CNTNAP5: variants seen among roughly 807,000 people sequenced by gnomAD.
The protein encoded by CNTNAP5 is contactin associated protein family member 5.
Under a neutral mutation model 150.2 loss-of-function variants are expected in CNTNAP5, and 72 were observed. The observed-to-expected ratio is 0.48, with a 90% CI of 0.40 to 0.58. CNTNAP5 has a LOEUF of 0.58. Among genes scored for constraint, CNTNAP5 ranks in the 20% least tolerant of loss-of-function variants. The pLI is 0.00. For synonymous variants in CNTNAP5, 672 were observed against 619.8 expected, an observed-to-expected ratio of 1.08 and a Z score of -1.25; for missense variants, 1,636 against 1,626.2, an observed-to-expected ratio of 1.01 and a Z score of -0.10.
At chr2:124,510,303 A>ATC (rs1475067600) in intron 8 of CNTNAP5, among the ~76,000 whole-genome samples, 1 of 127,238 alleles carries the variant, frequency 7.9e-6, no homozygotes, top group African/African-American at 3.0e-5. Context: ...CTATATATCT[A>ATC]TATATATATC....
intron 3 of CNTNAP5, among the ~76,000 whole-genome samples, chr2:124,360,448 G>A (rs1033848687): frequency 7.6e-5 from 11 of 145,674 alleles, no homozygotes; most frequent in Non-Finnish European, 1.4e-4. Flanking sequence ...GGCTGGTACC[G>A]GTTGTTCCTT....
At chr2:124,657,975 C>T (rs74599561) in intron 13 of CNTNAP5, among the ~76,000 whole-genome samples, 1,866 of 152,322 alleles carry the variant, frequency 0.012, 30 homozygotes, top group African/African-American at 0.04. Flanking sequence ...TCACTATCTG[C>T]CTCTGTCAAT....
intron 19 of CNTNAP5, among the ~76,000 whole-genome samples, chr2:124,845,938 CT>C (rs566594290): frequency 7.8e-4 from 115 of 147,032 alleles, no homozygotes; most frequent in African/African-American, 2.4e-3. Context: ...AAAGAACCAG[CT>C]TTTTTTTTTC....
intron 1 of CNTNAP5, among the ~76,000 whole-genome samples, chr2:124,055,448 T>C (rs992020199): frequency 3.9e-5 from 6 of 152,122 alleles, no homozygotes; most frequent in Admixed American, 3.9e-4. Flanking sequence ...ATAGCTTTCT[T>C]CCCCTTCTCT....
At chr2:124,900,616 T>A (rs1678396709) in intron 21 of CNTNAP5, among the ~76,000 whole-genome samples, 1 of 151,572 alleles carries the variant, frequency 6.6e-6, no homozygotes, top group Non-Finnish European at 1.5e-5. Flanking sequence ...TATTCTTACA[T>A]CTGGAGTATG....
chr2:124,328,655 C>T (rs115869528), intron 3 of CNTNAP5, among the ~76,000 whole-genome samples: 102 of 152,220 alleles, frequency 6.7e-4, no homozygotes, highest in African/African-American at 2.3e-3. Context: ...GTGAAGTATG[C>T]GATGTCTCTG....
intron 3 of CNTNAP5, among the ~76,000 whole-genome samples, chr2:124,386,498 C>T (rs1390859340): frequency 6.6e-6 from 1 of 152,240 alleles, no homozygotes. Flanking sequence ...AGTTGAACGG[C>T]ATTTCTGCCA....
intron 20 of CNTNAP5, among the ~76,000 whole-genome samples, chr2:124,868,524 G>T (rs1677677929): frequency 1.3e-5 from 2 of 152,124 alleles, no homozygotes; most frequent in Admixed American, 1.3e-4. Context: ...TCTCTGATCA[G>T]CTTATTTAAT....
intron 12 of CNTNAP5, among the ~76,000 whole-genome samples, chr2:124,623,398 G>A (rs1017872371): frequency 6.6e-6 from 1 of 152,130 alleles, no homozygotes; most frequent in African/African-American, 2.4e-5. Context: ...GAAGGGCATG[G>A]TTGTGAATCT....
intron 1 of CNTNAP5, among the ~76,000 whole-genome samples, chr2:124,080,227 A>G (rs978104357): frequency 1.1e-4 from 17 of 152,220 alleles, no homozygotes; most frequent in Admixed American, 7.9e-4. Context: ...CTATAAACAC[A>G]GTATCTATCA....
rs142184552 is a variant in CNTNAP5 at position 124,249,064 on chromosome 2, A to C, written c.381+6671A>C. On this transcript the variant is annotated intron_variant, in intron 3 of 23. Transcript: ENST00000682447. Reference sequence around the variant, plus strand: ...TTAATCTAAAGTGAATGTCTCCAAAACCTAAGCTCTGATTTTTTATCTTGC... The same window carrying C: ...TTAATCTAAAGTGAATGTCTCCAAACCCTAAGCTCTGATTTTTTATCTTGC... Among the ~76,000 whole-genome samples the C allele has an allele frequency of 2.8e-3, 433 of 152,066 alleles. 2 individuals are homozygous for C. The highest frequency in any genetic ancestry group is 9.0e-3 in the African/African-American group (375 of 41,492).
chr2:124,504,888 A>G (rs959943246), intron 8 of CNTNAP5, among the ~76,000 whole-genome samples: 3 of 151,664 alleles, frequency 2.0e-5, no homozygotes, highest in African/African-American at 4.8e-5. Flanking sequence ...TTTTATTTTT[A>G]GTAGAGATGG....
chr2:124,094,318 A>G (rs1682882811), intron 1 of CNTNAP5, among the ~76,000 whole-genome samples: 1 of 152,164 alleles, frequency 6.6e-6, no homozygotes, highest in Non-Finnish European at 1.5e-5. Context: ...CCAAAATTAT[A>G]CGATTTGGAG....
intron 13 of CNTNAP5, among the ~76,000 whole-genome samples, chr2:124,650,583 G>A (rs1470484223): frequency 6.6e-6 from 1 of 152,124 alleles, no homozygotes; most frequent in Non-Finnish European, 1.5e-5. Flanking sequence ...GAGGATAGAG[G>A]CCATCTCCTC....
intron 11 of CNTNAP5, among the ~76,000 whole-genome samples, chr2:124,601,246 T>A (rs991526344): frequency 1.3e-5 from 2 of 152,186 alleles, no homozygotes; most frequent in Non-Finnish European, 2.9e-5. Flanking sequence ...AGACCTGGCC[T>A]TCTTCTCTTC....
intron 13 of CNTNAP5, among the ~76,000 whole-genome samples, chr2:124,734,148 G>C (rs906806759): frequency 6.6e-6 from 1 of 152,046 alleles, no homozygotes; most frequent in Non-Finnish European, 1.5e-5. Context: ...AAATATCTAT[G>C]ACAAAGGACA....
intron 1 of CNTNAP5, among the ~76,000 whole-genome samples, chr2:124,203,130 C>T (rs975832951): frequency 6.6e-6 from 1 of 152,042 alleles, no homozygotes; most frequent in Non-Finnish European, 1.5e-5. Context: ...GTAAATACAC[C>T]CATTGCAAAT....
At chr2:124,753,065 G>A (rs1680764197) in intron 14 of CNTNAP5, among the ~76,000 whole-genome samples, 2 of 152,290 alleles carry the variant, frequency 1.3e-5, no homozygotes, top group South Asian at 4.1e-4. Flanking sequence ...AGAAAGTACA[G>A]AAGTTTTCAT....
intron 1 of CNTNAP5, among the ~76,000 whole-genome samples, chr2:124,107,907 G>A (rs1447629774): frequency 6.6e-6 from 1 of 152,204 alleles, no homozygotes; most frequent in Non-Finnish European, 1.5e-5. Flanking sequence ...TCTGGTAGCT[G>A]GGACAACTTG....
Sources: gnomAD v4.1 joint callset for allele counts (sites outside exome capture counted in the v4.1 genomes callset) on GRCh38, gnomAD v4.1.1 for gene constraint, MANE v1.5 for transcripts, NCBI Gene and HGNC (gene_info 2026-07-23, HGNC 2026-07-21) for gene names.